CDH5: variants seen among roughly 807,000 people sequenced by gnomAD.
CDH5 encodes the protein cadherin 5, also known as cadherin-5.
In CDH5, 28 loss-of-function variants were observed where a neutral mutation model predicts 62.0. The ratio of observed to expected loss-of-function variants is 0.45; its 90% CI spans 0.33 to 0.62. The LOEUF is 0.62. Ranked by LOEUF, CDH5 falls within the 20% of genes least tolerant of loss-of-function variation. The pLI, the probability that CDH5 is intolerant of heterozygous loss-of-function variation, is 0.02. For synonymous variants in CDH5, 464 were observed against 445.8 expected (o/e 1.04, Z -0.52); for missense variants, 940 against 1,065.1 (o/e 0.88, Z 1.63).
chr16:66,392,435 TC>T (rs1567466384), intron 7 of CDH5, 52 bp downstream of exon 7: 2 of 1,603,638 alleles, frequency 1.2e-6, no homozygotes, highest in Admixed American at 3.3e-5. Flanking sequence ...GCCTGGATGT[TC>T]CTATGCCTGC....
rs774647003 is a variant in CDH5, at chr16:66,397,953, C to T, written c.1361-29C>T. ...GCCCAAGGCCAGCATCAGCTGAGCC[C>T]ATAATGGTGACAGTCTTCTCCCCTG... is the stretch of plus-strand genomic sequence containing the variant. On this transcript the variant is annotated intron_variant, in intron 8 of 11. Coordinates refer to ENST00000341529, the MANE Select transcript of CDH5 (RefSeq NM_001795.5). 2.0e-5 allele frequency: 33 copies of T among 1,613,870 alleles called. No homozygotes were observed. In the Admixed American group the frequency reaches 4.8e-4, roughly 24 times the overall value.
chr16:66,381,185 C>G (rs1960892156), intron 2 of CDH5, among the ~76,000 whole-genome samples: 1 of 152,210 alleles, frequency 6.6e-6, no homozygotes, highest in Admixed American at 6.5e-5. Context: ...TCCTCAAAAA[C>G]CCCTTCTCTC....
intron 10 of CDH5, among the ~76,000 whole-genome samples, chr16:66,400,102 G>A (rs1053882566): frequency 6.6e-6 from 1 of 152,222 alleles, no homozygotes; most frequent in African/African-American, 2.4e-5. Flanking sequence ...GTGAGCATAG[G>A]GGTCTGAAAA....
intron 1 of CDH5, among the ~76,000 whole-genome samples, chr16:66,374,543 G>A (rs1402678044): frequency 6.6e-6 from 1 of 152,150 alleles, no homozygotes; most frequent in Admixed American, 6.5e-5. Context: ...AATCCAAGGG[G>A]CTTTTCTGCA....
intron 11 of CDH5, among the ~76,000 whole-genome samples, chr16:66,401,701 G>A (rs1023282598): frequency 2.6e-4 from 39 of 152,192 alleles, no homozygotes; most frequent in Non-Finnish European, 8.8e-5. Flanking sequence ...TGTTCCCATC[G>A]TGAGGAACTG....
chr16:66,375,913 C>T lies in CDH5; in HGVS notation c.-19-3406C>T, dbSNP rs200909036. Among the ~76,000 whole-genome samples, 52 of 151,996 alleles carry T rather than the reference C, an allele frequency of 3.4e-4. 1 individual carries two copies. The East Asian group carries it at 7.0e-3, about 20-fold the overall frequency. On this transcript the variant is annotated intron_variant, in intron 1 of 11. Coordinates refer to ENST00000341529, the MANE Select transcript of CDH5 (RefSeq NM_001795.5). ...CCTGAGGTCAGGAGTTTGAGACCAA[C>T]CTGGCCAACAAGGTGAAACCCCGTC... is the stretch of plus-strand genomic sequence containing the variant.
Position 66,390,492 on chromosome 16 carries a change from C to A in CDH5, c.871C>A (p.Arg291=). ...FVEDPDEPQN[R]MTKYSILRGD... Reference sequence around the variant, plus strand: ...TGAGGACCCAGATGAGCCCCAGAACCGGATGACCAAGTACAGCATCTTGCG... The same window carrying A: ...TGAGGACCCAGATGAGCCCCAGAACAGGATGACCAAGTACAGCATCTTGCG... Residue 291 remains arginine (R), a synonymous_variant, in exon 6 of 12, where the codon CGG becomes AGG. Transcript: ENST00000341529. The A allele has an allele frequency of 6.2e-7, 1 of 1,614,128 alleles. No individual in the cohort carries two copies. The highest frequency in any genetic ancestry group is 8.5e-7 in the Non-Finnish European group (1 of 1,180,022).
At chr16:66,380,446 A>T (rs551628207) in intron 2 of CDH5, among the ~76,000 whole-genome samples, 1 of 145,366 alleles carries the variant, frequency 6.9e-6, no homozygotes, top group African/African-American at 2.6e-5. Context: ...GATGGTGATG[A>T]TGGTGATGAT....
intron 5 of CDH5, 38 bp downstream of exon 5, chr16:66,389,560 G>C (rs1961046975): frequency 6.7e-7 from 1 of 1,489,952 alleles, no homozygotes; most frequent in East Asian, 2.4e-5. Flanking sequence ...AGGGGGGCTG[G>C]GATACCCCAG....
At position 66,404,311 on chromosome 16, in the gene CDH5, G is replaced by C. The variant is rs1961350125; in HGVS notation, c.*1142G>C. 6.6e-6 allele frequency: 1 copy of C among 152,670 alleles called. No homozygotes were observed. Among genetic ancestry groups the C allele is most frequent in the Non-Finnish European group, 1.5e-5 (1 of 68,076 alleles). 9.5% of individuals were successfully genotyped at this position (152,670 alleles called of 1,614,324 possible). A position where few individuals can be genotyped will look rare whatever the true frequency, so the allele number is the denominator to read the frequency against. On this transcript the variant is annotated 3_prime_UTR_variant, in exon 12 of 12. Coordinates refer to ENST00000341529, the MANE Select transcript of CDH5 (RefSeq NM_001795.5). ...CAAGGCCCTGCCCTGCCCAACCTCTGTGGTCACCCATGCATCTTCCACTGG... is the reference window on the plus strand; with the variant it reads ...CAAGGCCCTGCCCTGCCCAACCTCTCTGGTCACCCATGCATCTTCCACTGG...
At chr16:66,395,873 T>A in intron 7 of CDH5, 186 bp from the exon 8 acceptor site, 1 of 550,146 alleles carries the variant, frequency 1.8e-6, no homozygotes, top group South Asian at 2.8e-5. Context: ...AAAGACATTA[T>A]CTTGCTATCC....
Position 66,403,572 on chromosome 16 carries a change from G to A in CDH5, c.*403G>A, listed in dbSNP as rs184467625. On this transcript the variant is annotated 3_prime_UTR_variant, in exon 12 of 12. Coordinates refer to ENST00000341529, the MANE Select transcript of CDH5 (RefSeq NM_001795.5). The surrounding 1 kb of genome is among the most constrained non-coding windows in gnomAD (Gnocchi z 4.3). ...CTGGTAAGGCTGGTGAGGTCCTGGT[G>A]CCTATCTGCCTGGAGGCAAAGGCCT... 923 of 233,412 alleles carry A rather than the reference G, an allele frequency of 4.0e-3. 10 individuals are homozygous for A. The highest frequency in any genetic ancestry group is 0.019 in the African/African-American group (854 of 43,854). The allele number at this position is 233,412 out of a possible 1,614,324, so 14.5% of individuals were successfully genotyped here.
chr16:66,397,958 T>C (rs1174969027), intron 8 of CDH5, 24 bp from the exon 9 acceptor site: 2 of 1,614,010 alleles, frequency 1.2e-6, no homozygotes, highest in Admixed American at 1.7e-5. Context: ...GAGCCCATAA[T>C]GGTGACAGTC....
chr16:66,377,687 C>G (rs1960810026), intron 1 of CDH5: 1 of 152,354 alleles, frequency 6.6e-6, no homozygotes, highest in Non-Finnish European at 1.5e-5. Context: ...GTTCCCTCTC[C>G]CACCCACCTG....
intron 2 of CDH5, among the ~76,000 whole-genome samples, chr16:66,380,885 G>A (rs1005341066): frequency 3.3e-5 from 5 of 151,942 alleles, no homozygotes; most frequent in Non-Finnish European, 7.4e-5. Flanking sequence ...TGATAATGGA[G>A]GTGATGATGA....
intron 8 of CDH5, 127 bp downstream of exon 8, chr16:66,396,328 T>C (rs752330858): frequency 2.5e-5 from 28 of 1,134,174 alleles, no homozygotes; most frequent in Non-Finnish European, 3.3e-5. Flanking sequence ...ACCCGCTGGT[T>C]GGGATGCTAT....
chr16:66,379,502 C>T lies in CDH5; in HGVS notation c.165C>T (p.His55=), dbSNP rs1163249568. ...QKRDWIWNQM[H]IDEEKNTSLP... Reference sequence around the variant, plus strand: ...GAGATTGGATTTGGAACCAGATGCACATTGATGAAGAGAAAAACACCTCAC... The same window carrying T: ...GAGATTGGATTTGGAACCAGATGCATATTGATGAAGAGAAAAACACCTCAC... Residue 55 remains histidine (H), a synonymous_variant, in exon 2 of 12, where the codon CAC becomes CAT. Transcript: ENST00000341529. 1 of 1,614,220 alleles carries T rather than the reference C, an allele frequency of 6.2e-7. No individual in the cohort carries two copies. The highest frequency in any genetic ancestry group is 1.3e-5 in the African/African-American group (1 of 75,050).
chr16:66,367,938 C>T (rs1236858224), intron 1 of CDH5, among the ~76,000 whole-genome samples: 1 of 152,106 alleles, frequency 6.6e-6, no homozygotes, highest in African/African-American at 2.4e-5. Flanking sequence ...AGCACAGAGC[C>T]GATCCTGGTT....
chr16:66,398,504 G>C lies in CDH5; in HGVS notation c.1534G>C (p.Val512Leu). 5 of 1,610,110 alleles carry C rather than the reference G, an allele frequency of 3.1e-6. No homozygotes were observed. The highest frequency in any genetic ancestry group is 3.4e-6 in the Non-Finnish European group (4 of 1,176,282). The change falls in exon 10 of 12, where the codon GTG becomes CTG. Residue 512 changes from valine to leucine, a missense_variant. Transcript: ENST00000341529. ...AIDKDITPRN[V>L]KFKFILNTEN... ...AGACAAGGACATAACACCACGAAAC[G>C]TGAAGTTCAAATTCATCTTGAATAC... is the stretch of plus-strand genomic sequence containing the variant.
Sources: gnomAD v4.1 joint callset for allele counts (sites outside exome capture counted in the v4.1 genomes callset) on GRCh38, gnomAD v4.1.1 for gene constraint, Gnocchi (gnomAD v3.1) non-coding constraint, MANE v1.5 for transcripts, NCBI Gene and HGNC (gene_info 2026-07-23, HGNC 2026-07-21) for gene names.